Variants in FRAS1 observed in about 807,000 individuals in gnomAD.
FRAS1 encodes the protein Fraser extracellular matrix complex subunit 1.
Under a neutral mutation model 435.2 loss-of-function variants are expected in FRAS1, and 290 were observed. That is an observed-to-expected ratio of 0.67 (90% CI 0.61 to 0.73). The LOEUF is 0.73. Ranked by LOEUF, FRAS1 falls within the 30% of genes least tolerant of loss-of-function variation. The pLI is 0.00. For synonymous variants in FRAS1, 1,800 were observed against 1,851.0 expected, an observed-to-expected ratio of 0.97 and a Z score of 0.71; for missense variants, 4,860 against 5,001.5, an observed-to-expected ratio of 0.97 and a Z score of 0.85.
At chr4:78,304,170 T>G (rs1260794) in intron 14 of FRAS1, among the ~76,000 whole-genome samples, 103,511 of 148,358 alleles carry the variant, frequency 0.7, 37,153 homozygotes, top group African/African-American at 0.87. Flanking sequence ...ATTGATTTGC[T>G]TATATTGAAC....
chr4:78,238,223 T>C (rs573685147), intron 3 of FRAS1, among the ~76,000 whole-genome samples: 2 of 152,122 alleles, frequency 1.3e-5, no homozygotes, highest in East Asian at 3.9e-4. Flanking sequence ...TGACCAAGTC[T>C]ATGATTGGTA....
chr4:78,090,585 C>T (rs1210736105), intron 2 of FRAS1, among the ~76,000 whole-genome samples: 1 of 152,156 alleles, frequency 6.6e-6, no homozygotes, highest in East Asian at 1.9e-4. Flanking sequence ...TTGGCTGATG[C>T]TGTTCCCGAG....
At position 78,065,631 on chromosome 4, in the gene FRAS1, C is replaced by T. The variant is rs115916769; in HGVS notation, c.77-354C>T. Among the ~76,000 whole-genome samples the T allele has an allele frequency of 6.0e-3, 921 of 152,260 alleles. 8 individuals carry two copies. The highest frequency in any genetic ancestry group is 0.021 in the African/African-American group (865 of 41,552). The stretch of plus-strand genomic sequence containing the variant: ...GGACTGGAGGCTTAGTGTAAGCAAA[C>T]AGTGGCAGGGAAGCCTGGATAAGTA... On this transcript the variant is annotated intron_variant, in intron 1 of 73. Transcript: ENST00000512123.
chr4:78,435,357 G>C (rs1375299317), intron 38 of FRAS1, among the ~76,000 whole-genome samples: 1 of 152,182 alleles, frequency 6.6e-6, no homozygotes, highest in Non-Finnish European at 1.5e-5. Flanking sequence ...ATACCAACAT[G>C]TATGAAATAT....
intron 2 of FRAS1, among the ~76,000 whole-genome samples, chr4:78,150,927 A>G (rs1382314407): frequency 6.6e-6 from 1 of 152,132 alleles, no homozygotes; most frequent in Non-Finnish European, 1.5e-5. Flanking sequence ...CAGAATTTTT[A>G]TTTCATTTTG....
intron 2 of FRAS1, among the ~76,000 whole-genome samples, chr4:78,120,651 T>C (rs774378428): frequency 4.6e-5 from 7 of 152,142 alleles, no homozygotes; most frequent in Non-Finnish European, 1.0e-4. Flanking sequence ...AGTGTGGCTG[T>C]CCACAGTAAG....
intron 2 of FRAS1, among the ~76,000 whole-genome samples, chr4:78,073,264 A>G (rs1320510943): frequency 6.6e-6 from 1 of 152,210 alleles, no homozygotes; most frequent in Non-Finnish European, 1.5e-5. Flanking sequence ...GAGATTTTGT[A>G]CTTTTATTGA....
intron 2 of FRAS1, among the ~76,000 whole-genome samples, chr4:78,151,554 G>C (rs1255284763): frequency 6.6e-6 from 1 of 152,128 alleles, no homozygotes; most frequent in African/African-American, 2.4e-5. Flanking sequence ...CATTTTGGTA[G>C]GGAATTTCAT....
At chr4:78,154,954 T>TAG (rs1720820156) in intron 2 of FRAS1, among the ~76,000 whole-genome samples, 1 of 152,222 alleles carries the variant, frequency 6.6e-6, no homozygotes, top group Non-Finnish European at 1.5e-5. Context: ...CAGTGAGGAA[T>TAG]AGAGGCAGTG....
chr4:78,440,324 G>A (rs1003581592), intron 40 of FRAS1, among the ~76,000 whole-genome samples: 38 of 152,124 alleles, frequency 2.5e-4, no homozygotes, highest in African/African-American at 9.2e-4. Flanking sequence ...GAGCCACCGG[G>A]CCCGGCCAAA....
intron 2 of FRAS1, among the ~76,000 whole-genome samples, chr4:78,122,375 A>T (rs1006952032): frequency 1.3e-5 from 2 of 152,124 alleles, no homozygotes; most frequent in Non-Finnish European, 2.9e-5. Context: ...CTAGTCTATC[A>T]CTGATGGACA....
intron 2 of FRAS1, among the ~76,000 whole-genome samples, chr4:78,090,706 G>A (rs1267478759): frequency 2.0e-5 from 3 of 152,110 alleles, no homozygotes; most frequent in Non-Finnish European, 2.9e-5. Context: ...TTGTCATTAA[G>A]AGAACAAATG....
In FRAS1 at chr4:78,446,994, G is replaced by T. The variant is rs185180099; in HGVS notation, c.6010+114G>T. The stretch of plus-strand genomic sequence containing the variant: ...TTTTCTTGTATATGGTACATTCTTT[G>T]CATCAAAGTGTAATCAAATTCACAG... On this transcript the variant is annotated intron_variant, in intron 43 of 73. Transcript: ENST00000512123. 6 of 1,022,440 alleles carry T rather than the reference G, an allele frequency of 5.9e-6. No individual in the cohort carries two copies. In the Admixed American group the frequency reaches 1.3e-4, roughly 21 times the overall value. The allele number at this position is 1,022,440 out of a possible 1,614,324, so 63.3% of individuals were successfully genotyped here.
At chr4:78,303,039 G>T (rs1418404426) in intron 14 of FRAS1, among the ~76,000 whole-genome samples, 1 of 152,052 alleles carries the variant, frequency 6.6e-6, no homozygotes, top group African/African-American at 2.4e-5. Flanking sequence ...TTTGTATAAG[G>T]TGTAAGGAAG....
At chr4:78,394,770 A>G (rs1048540377) in intron 29 of FRAS1, among the ~76,000 whole-genome samples, 3 of 152,154 alleles carry the variant, frequency 2.0e-5, no homozygotes, top group Non-Finnish European at 4.4e-5. Flanking sequence ...CAGAGATGGC[A>G]TGAAATCTGT....
intron 2 of FRAS1, among the ~76,000 whole-genome samples, chr4:78,118,780 G>A (rs1425762111): frequency 6.6e-6 from 1 of 152,100 alleles, no homozygotes; most frequent in Non-Finnish European, 1.5e-5. Flanking sequence ...GTGAGGCAAT[G>A]CCTCACCCTC....
intron 64 of FRAS1, 43 bp from the exon 65 acceptor site, chr4:78,513,349 A>G (rs1721098936): frequency 1.3e-6 from 2 of 1,597,990 alleles, no homozygotes; most frequent in Admixed American, 1.7e-5. Flanking sequence ...TTGACCATTT[A>G]TAGCAGTCAG....
intron 2 of FRAS1, among the ~76,000 whole-genome samples, chr4:78,209,946 G>A (rs546630244): frequency 3.9e-5 from 6 of 152,232 alleles, no homozygotes; most frequent in Middle Eastern, 3.4e-3. Context: ...GAGTTCCTGC[G>A]GTTCTCAGGC....
In FRAS1 at chr4:78,161,742, C is replaced by CAAAAAAAAAAAAAAA. The variant is rs71214399; in HGVS notation, c.109-75752_109-75738dup. Among the ~76,000 whole-genome samples, 167 of 24,922 alleles carry CAAAAAAAAAAAAAAA rather than the reference C, an allele frequency of 6.7e-3. 1 individual carries two copies. The highest frequency in any genetic ancestry group is 6.9e-3 in the Non-Finnish European group (110 of 15,996). The allele number at this position is 24,922 out of a possible 152,430, so 16.3% of individuals were successfully genotyped here. On this transcript the variant is annotated intron_variant, in intron 2 of 73. Coordinates refer to ENST00000512123, the MANE Select transcript of FRAS1 (RefSeq NM_025074.7). ...GGGCAACAAGAGCAAAACTCTGTCT[C>CAAAAAAAAAAAAAAA]AAAAAAAAAAAAAAAAAAAAAAAAA... is the stretch of plus-strand genomic sequence containing the variant.
Sources: allele counts gnomAD v4.1 joint callset (sites outside exome capture counted in the v4.1 genomes callset), GRCh38; gene constraint gnomAD v4.1.1; transcripts MANE v1.5; gene names NCBI Gene and HGNC (gene_info 2026-07-23, HGNC 2026-07-21).